The following ANO4 variants were observed in gnomAD, a reference collection of about 807,000 sequenced individuals.
The protein encoded by ANO4 is anoctamin-4.
ANO4 carries 69 observed loss-of-function variants against 141.9 expected under a neutral mutation model. That is an observed-to-expected ratio of 0.49 (90% CI 0.40 to 0.59). The LOEUF (loss-of-function observed/expected upper bound fraction) is 0.59, where lower values mean the gene tolerates loss of function less well. Ranked by LOEUF, ANO4 falls within the 20% of genes least tolerant of loss-of-function variation. The pLI, the probability that ANO4 is intolerant of heterozygous loss-of-function variation, is 0.00. For synonymous variants in ANO4, 350 were observed against 394.3 expected (o/e 0.89, Z 1.33); for missense variants, 894 against 1,162.2 (o/e 0.77, Z 3.36).
chr12:100,896,245 C>T (rs183652013), intron 1 of ANO4, among the ~76,000 whole-genome samples: 1 of 152,202 alleles, frequency 6.6e-6, no homozygotes, highest in East Asian at 1.9e-4. Context: ...GGAGATTATC[C>T]TCCATTATCC....
chr12:100,720,474 T>C (rs567444771), intron 1 of ANO4, among the ~76,000 whole-genome samples: 214 of 151,726 alleles, frequency 1.4e-3, no homozygotes, highest in African/African-American at 5.0e-3. Context: ...TAGAAGGTCA[T>C]TGTGGCTAGA....
intron 1 of ANO4, among the ~76,000 whole-genome samples, chr12:100,796,519 A>AG (rs973853602): frequency 9.9e-5 from 15 of 152,076 alleles, no homozygotes; most frequent in East Asian, 7.7e-4. Flanking sequence ...ATTTCAGTGA[A>AG]GGGTTCCTTG....
At chr12:101,067,798 C>T (rs1051121219) in intron 14 of ANO4, among the ~76,000 whole-genome samples, 1 of 152,156 alleles carries the variant, frequency 6.6e-6, no homozygotes, top group African/African-American at 2.4e-5. Flanking sequence ...TTTGTCCTGC[C>T]ATGCAGACTG....
chr12:101,117,192 C>G (rs959715831), intron 25 of ANO4, among the ~76,000 whole-genome samples: 4 of 152,212 alleles, frequency 2.6e-5, no homozygotes, highest in Non-Finnish European at 4.4e-5. Flanking sequence ...GAGTATATCA[C>G]ATCACATTTC....
intron 14 of ANO4, among the ~76,000 whole-genome samples, chr12:101,065,040 A>T (rs2048520667): frequency 6.6e-6 from 1 of 152,206 alleles, no homozygotes; most frequent in East Asian, 1.9e-4. Flanking sequence ...GTGCAAGAGT[A>T]TTGATGCTGG....
intron 1 of ANO4, among the ~76,000 whole-genome samples, chr12:100,879,405 G>A (rs12579637): frequency 0.18 from 27,474 of 152,074 alleles, 2,897 homozygotes; most frequent in Admixed American, 0.28. Flanking sequence ...GTTTCATTTG[G>A]GGATTAGGGA....
intron 15 of ANO4, among the ~76,000 whole-genome samples, chr12:101,081,012 T>C (rs74504346): frequency 8.7e-6 from 1 of 115,236 alleles, no homozygotes; most frequent in Non-Finnish European, 1.8e-5. Flanking sequence ...TACATATATA[T>C]ATGTATGTGA....
At chr12:100,904,196 G>A (rs2040732186) in intron 2 of ANO4, among the ~76,000 whole-genome samples, 1 of 152,104 alleles carries the variant, frequency 6.6e-6, no homozygotes, top group Admixed American at 6.6e-5. Flanking sequence ...GAATTTTTCT[G>A]CCTGCCTTTC....
intron 7 of ANO4, among the ~76,000 whole-genome samples, chr12:100,985,797 T>C (rs1166438519): frequency 6.6e-6 from 1 of 152,198 alleles, no homozygotes; most frequent in East Asian, 1.9e-4. Flanking sequence ...ATAAAGGAGA[T>C]AGTGAAAGAG....
At chr12:100,894,343 GCAA>G (rs2040237388) in intron 1 of ANO4, among the ~76,000 whole-genome samples, 1 of 152,074 alleles carries the variant, frequency 6.6e-6, no homozygotes, top group Non-Finnish European at 1.5e-5. Context: ...CTGAGACTAA[GCAA>G]CAACCTATCT....
At chr12:100,833,802 C>A (rs553911344) in intron 1 of ANO4, among the ~76,000 whole-genome samples, 10 of 152,232 alleles carry the variant, frequency 6.6e-5, no homozygotes, top group African/African-American at 2.4e-4. Flanking sequence ...TGATCCTGTT[C>A]ATTATTCAAA....
In ANO4 at chr12:101,060,904, G is replaced by C. The variant is rs576652762; in HGVS notation, c.1312+12503G>C. Reference sequence around the variant, plus strand: ...ATTTAAGGATAATATTGTTATGTGTGAATTTGATCCTATCGTTAGGATGCT... The same window carrying C: ...ATTTAAGGATAATATTGTTATGTGTCAATTTGATCCTATCGTTAGGATGCT... On this transcript the variant is annotated intron_variant, in intron 14 of 27. Transcript: ENST00000392977. Among the ~76,000 whole-genome samples, 729 of 152,286 alleles carry C rather than the reference G, an allele frequency of 4.8e-3. 1 individual carries two copies. Among genetic ancestry groups the C allele is most frequent in the African/African-American group, 0.017 (693 of 41,562 alleles).
rs370617258 is a variant in ANO4, at chr12:101,020,520, A to G, written c.841+380A>G. Among the ~76,000 whole-genome samples, 92 of 152,344 alleles carry G rather than the reference A, an allele frequency of 6.0e-4. No individual in the cohort carries two copies. The South Asian group carries it at 0.019, about 31-fold the overall frequency. The stretch of plus-strand genomic sequence containing the variant: ...TGAAGAAATTAAACTGGATGATGAT[A>G]CAGAGATAGGCTGGTAAAAGGTGGG... On this transcript the variant is annotated intron_variant, in intron 9 of 27. Coordinates refer to ENST00000392977, the MANE Select transcript of ANO4 (RefSeq NM_001286615.2).
intron 1 of ANO4, among the ~76,000 whole-genome samples, chr12:100,876,439 C>T (rs982487600): frequency 1.3e-5 from 2 of 152,008 alleles, no homozygotes; most frequent in Admixed American, 1.3e-4. Context: ...CTGCAGGGAG[C>T]AGGGAAATGG....
At chr12:100,990,019 G>GGATA (rs1393930256) in intron 8 of ANO4, among the ~76,000 whole-genome samples, 1 of 151,488 alleles carries the variant, frequency 6.6e-6, no homozygotes, top group Non-Finnish European at 1.5e-5. Context: ...ATGGATGGAT[G>GGATA]GATGGACAGA....
intron 3 of ANO4, among the ~76,000 whole-genome samples, chr12:100,930,851 A>C (rs776521383): frequency 8.5e-5 from 13 of 152,058 alleles, no homozygotes; most frequent in Non-Finnish European, 1.5e-4. Flanking sequence ...ACAGAAACTG[A>C]GTTGTTTGGT....
At chr12:101,022,169 A>G (rs1459197536) in intron 9 of ANO4, among the ~76,000 whole-genome samples, 3 of 152,204 alleles carry the variant, frequency 2.0e-5, no homozygotes, top group Non-Finnish European at 2.9e-5. Flanking sequence ...GTGAGAGTCA[A>G]TGTATGGGGG....
rs754418493 is a variant in ANO4, at chr12:101,097,987, A to G, written c.2006+42A>G. On this transcript the variant is annotated intron_variant, in intron 21 of 27. Coordinates refer to ENST00000392977, the MANE Select transcript of ANO4 (RefSeq NM_001286615.2). Reference sequence around the variant, plus strand: ...CAATAATTGAGAGGCAGCATTGCTCATTATTGGCTTTTCTAGGTGTGGCAA... The same window carrying G: ...CAATAATTGAGAGGCAGCATTGCTCGTTATTGGCTTTTCTAGGTGTGGCAA... The G allele has an allele frequency of 2.6e-6, 4 of 1,565,418 alleles. No homozygotes were observed. The Admixed American group carries it at 5.1e-5, about 20-fold the overall frequency.
Position 101,049,966 on chromosome 12 carries a change from A to G in ANO4, c.1312+1565A>G, listed in dbSNP as rs1479782084. ...TTATTCTCCAGAATGTGGACTAGAA[A>G]ATGTAAAGGGAAATAGGGAGTTAGC... On this transcript the variant is annotated intron_variant, in intron 14 of 27. Coordinates refer to ENST00000392977, the MANE Select transcript of ANO4 (RefSeq NM_001286615.2). Among the ~76,000 whole-genome samples, 4 of 152,164 alleles carry G rather than the reference A, an allele frequency of 2.6e-5. 1 individual carries two copies. Among genetic ancestry groups the G allele is most frequent in the Non-Finnish European group, 5.9e-5 (4 of 68,038 alleles).
Sources: allele counts gnomAD v4.1 joint callset (sites outside exome capture counted in the v4.1 genomes callset), GRCh38; gene constraint gnomAD v4.1.1; transcripts MANE v1.5; gene names NCBI Gene and HGNC (gene_info 2026-07-23, HGNC 2026-07-21).